CNTNAP2: variants seen among roughly 807,000 people sequenced by gnomAD.
CNTNAP2 encodes the protein contactin associated protein 2.
A neutral mutation model predicts 155.2 loss-of-function variants in CNTNAP2; 98 were observed. That is an observed-to-expected ratio of 0.63 (90% CI 0.54 to 0.75). CNTNAP2 has a LOEUF of 0.75. Among genes scored for constraint, CNTNAP2 ranks in the 30% least tolerant of loss-of-function variants. The pLI is 0.00. For missense variants in CNTNAP2, 1,727 were observed against 1,688.1 expected (o/e 1.02, Z -0.40); for synonymous variants, 651 against 631.2 (o/e 1.03, Z -0.47).
At chr7:146,977,452 T>C (rs1470443842) in intron 3 of CNTNAP2, among the ~76,000 whole-genome samples, 3 of 151,858 alleles carry the variant, frequency 2.0e-5, no homozygotes. Flanking sequence ...GTTCATGGAG[T>C]GGTTTTGGAA....
chr7:148,070,831 T>G (rs1365379575), intron 15 of CNTNAP2, among the ~76,000 whole-genome samples: 3 of 152,230 alleles, frequency 2.0e-5, no homozygotes, highest in Non-Finnish European at 4.4e-5. Flanking sequence ...GTAAACTTTG[T>G]TATATGGAAA....
chr7:147,450,925 T>C (rs1797820750), intron 10 of CNTNAP2, among the ~76,000 whole-genome samples: 1 of 152,226 alleles, frequency 6.6e-6, no homozygotes. Flanking sequence ...TCACTTGGCA[T>C]CAGTAGATCT....
At chr7:146,745,040 T>G (rs954961843) in intron 1 of CNTNAP2, among the ~76,000 whole-genome samples, 4 of 152,168 alleles carry the variant, frequency 2.6e-5, no homozygotes, top group South Asian at 2.1e-4. Flanking sequence ...GATTTCAAGG[T>G]TGTGTGCTCT....
chr7:147,142,591 A>G (rs1002936678), intron 8 of CNTNAP2, among the ~76,000 whole-genome samples: 1 of 151,986 alleles, frequency 6.6e-6, no homozygotes, highest in Non-Finnish European at 1.5e-5. Context: ...GGCCTCATAA[A>G]ATGAGTTAGG....
At chr7:147,943,236 T>C (rs1367091298) in intron 14 of CNTNAP2, among the ~76,000 whole-genome samples, 1 of 152,186 alleles carries the variant, frequency 6.6e-6, no homozygotes, top group African/African-American at 2.4e-5. Flanking sequence ...AACTTGCTGA[T>C]GGTAGATTAA....
At chr7:146,871,296 C>A (rs760480045) in intron 3 of CNTNAP2, among the ~76,000 whole-genome samples, 1 of 151,922 alleles carries the variant, frequency 6.6e-6, no homozygotes, top group Non-Finnish European at 1.5e-5. Context: ...TTTGGGAGGC[C>A]GAGGCGGGCA....
intron 21 of CNTNAP2, among the ~76,000 whole-genome samples, chr7:148,267,731 G>A (rs778569629): frequency 2.6e-5 from 4 of 151,948 alleles, no homozygotes; most frequent in African/African-American, 4.8e-5. Context: ...AGTCAGCGAT[G>A]GTAATGGAAC....
intron 13 of CNTNAP2, among the ~76,000 whole-genome samples, chr7:147,712,909 A>T (rs941555011): frequency 5.3e-5 from 8 of 152,290 alleles, no homozygotes; most frequent in South Asian, 2.1e-4. Context: ...AAAAATTTTT[A>T]AAAATCCCCT....
chr7:148,152,298 A>G (rs1412247810), intron 17 of CNTNAP2, among the ~76,000 whole-genome samples: 1 of 151,932 alleles, frequency 6.6e-6, no homozygotes, highest in African/African-American at 2.4e-5. Flanking sequence ...GCAGGGGGCT[A>G]GGGAATGGGT....
At chr7:148,248,838 C>T (rs926580927) in intron 20 of CNTNAP2, among the ~76,000 whole-genome samples, 2 of 152,166 alleles carry the variant, frequency 1.3e-5, no homozygotes, top group African/African-American at 2.4e-5. Flanking sequence ...TCTAGGAAGA[C>T]AGCAGAATTC....
intron 3 of CNTNAP2, among the ~76,000 whole-genome samples, chr7:146,946,933 A>G (rs1253461274): frequency 6.6e-6 from 1 of 152,186 alleles, no homozygotes; most frequent in Non-Finnish European, 1.5e-5. Context: ...CCAAAAAAGC[A>G]TCTTTATAGA....
At chr7:146,700,279 G>A (rs891287074) in intron 1 of CNTNAP2, among the ~76,000 whole-genome samples, 8 of 151,944 alleles carry the variant, frequency 5.3e-5, no homozygotes, top group African/African-American at 1.9e-4. Context: ...CTGTCCTTCT[G>A]GTTTTCAAAG....
intron 1 of CNTNAP2, among the ~76,000 whole-genome samples, chr7:146,363,337 C>T (rs1020277760): frequency 6.6e-6 from 1 of 152,112 alleles, no homozygotes; most frequent in African/African-American, 2.4e-5. Flanking sequence ...TATCTAACTT[C>T]TGTATTTCCA....
At chr7:146,908,332 A>G (rs1416254306) in intron 3 of CNTNAP2, among the ~76,000 whole-genome samples, 1 of 149,660 alleles carries the variant, frequency 6.7e-6, no homozygotes, top group African/African-American at 2.4e-5. Context: ...CTCCACCCCA[A>G]ATCAACAGAA....
intron 1 of CNTNAP2, among the ~76,000 whole-genome samples, chr7:146,700,844 A>G (rs368352747): frequency 4.6e-5 from 7 of 152,162 alleles, no homozygotes; most frequent in Admixed American, 1.3e-4. Flanking sequence ...ACACAATGCA[A>G]AACTGAGATA....
At chr7:147,977,815 T>G in intron 14 of CNTNAP2, 47 bp from the exon 15 acceptor site, 1 of 1,613,034 alleles carries the variant, frequency 6.2e-7, no homozygotes, top group South Asian at 1.1e-5. Flanking sequence ...AATTCATATG[T>G]CTAATGCAGC....
chr7:147,389,252 A>G (rs1796670752), intron 9 of CNTNAP2, among the ~76,000 whole-genome samples: 1 of 152,170 alleles, frequency 6.6e-6, no homozygotes, highest in Non-Finnish European at 1.5e-5. Flanking sequence ...GCCAAGATCA[A>G]ATTGAAAGGA....
chr7:146,513,398 G>T, intron 1 of CNTNAP2, among the ~76,000 whole-genome samples: 1 of 151,392 alleles, frequency 6.6e-6, no homozygotes, highest in East Asian at 1.9e-4. Context: ...ACCATCTTCC[G>T]TTTGGGTTTA....
At chr7:146,675,761 A>G (rs1585037241) in intron 1 of CNTNAP2, among the ~76,000 whole-genome samples, 1 of 152,126 alleles carries the variant, frequency 6.6e-6, no homozygotes, top group Admixed American at 6.5e-5. Context: ...GACTTTTTCA[A>G]AAGTTCTGTG....
Sources: allele counts gnomAD v4.1 joint callset (sites outside exome capture counted in the v4.1 genomes callset), GRCh38; gene constraint gnomAD v4.1.1; transcripts MANE v1.5; gene names NCBI Gene and HGNC (gene_info 2026-07-23, HGNC 2026-07-21).